SND1: variants seen among roughly 807,000 people sequenced by gnomAD.
The protein encoded by SND1 is staphylococcal nuclease and tudor domain containing 1, also known as staphylococcal nuclease domain-containing protein 1.
Under a neutral mutation model 121.7 loss-of-function variants are expected in SND1, and 38 were observed. The observed-to-expected ratio is 0.31, with a 90% CI of 0.24 to 0.41. SND1 has a LOEUF of 0.41. Among genes scored for constraint, SND1 ranks in the 10% least tolerant of loss-of-function variants. SND1 has a pLI of 1.00. For missense variants in SND1, 868 were observed against 1,184.6 expected (o/e 0.73, Z 3.92); for synonymous variants, 401 against 447.4 (o/e 0.90, Z 1.31).
chr7:127,687,290 A>G (rs1278729568), intron 2 of SND1: 1 of 152,014 alleles, frequency 6.6e-6, no homozygotes, highest in African/African-American at 2.4e-5. Flanking sequence ...TATAAATGCT[A>G]GGCCCATATT....
chr7:127,897,168 G>C (rs1418372281), intron 13 of SND1, among the ~76,000 whole-genome samples: 1 of 152,056 alleles, frequency 6.6e-6, no homozygotes, highest in East Asian at 1.9e-4. Flanking sequence ...CTCCAACTTT[G>C]GGCCCAGAAG....
intron 10 of SND1, among the ~76,000 whole-genome samples, chr7:127,801,163 C>T (rs1436051480): frequency 6.6e-6 from 1 of 152,180 alleles, no homozygotes; most frequent in Non-Finnish European, 1.5e-5. Context: ...CACCTTTAAC[C>T]AAACAGTGCC....
chr7:127,942,672 C>T (rs528686837), intron 15 of SND1, among the ~76,000 whole-genome samples: 2 of 152,162 alleles, frequency 1.3e-5, no homozygotes, highest in Non-Finnish European at 2.9e-5. Context: ...TAAAACATCA[C>T]ATGAAAAATA....
At chr7:127,860,586 T>C (rs1799358630) in intron 12 of SND1, among the ~76,000 whole-genome samples, 1 of 152,206 alleles carries the variant, frequency 6.6e-6, no homozygotes, top group South Asian at 2.1e-4. Context: ...GTGTAGTGAA[T>C]TTGGACCTGT....
At chr7:127,875,308 G>A (rs1007147822) in intron 12 of SND1, among the ~76,000 whole-genome samples, 1 of 152,132 alleles carries the variant, frequency 6.6e-6, no homozygotes, top group Admixed American at 6.6e-5. Context: ...TAGGGAATAT[G>A]ATCTAGTTGG....
chr7:128,035,966 C>T (rs896330268), intron 16 of SND1, among the ~76,000 whole-genome samples: 4 of 152,262 alleles, frequency 2.6e-5, no homozygotes, highest in Non-Finnish European at 5.9e-5. Flanking sequence ...AGCTGGGTAT[C>T]GTTTTGCCAC....
Position 127,863,073 on chromosome 7 carries a change from G to A in SND1, c.1343+18649G>A, listed in dbSNP as rs570655580. ...TCCCTCATTTTGCAAACAAGGCAGCGGAGTCCACGAGGAGTGACATAACTA... is the reference window on the plus strand; with the variant it reads ...TCCCTCATTTTGCAAACAAGGCAGCAGAGTCCACGAGGAGTGACATAACTA... On this transcript the variant is annotated intron_variant, in intron 12 of 23. Transcript: ENST00000354725. Among the ~76,000 whole-genome samples, 23 of 152,244 alleles carry A rather than the reference G, an allele frequency of 1.5e-4. No individual in the cohort carries two copies. The South Asian group carries it at 4.4e-3, about 29-fold the overall frequency.
Position 128,082,225 on chromosome 7 carries a change from C to A in SND1, c.2110+724C>A, listed in dbSNP as rs1047774043. ...CTGACCTCCCTTTTCTCATGGCCAC[C>A]CTGTGCAGGGAAACAGTTGAGTTTG... On this transcript the variant is annotated intron_variant, in intron 18 of 23. Transcript: ENST00000354725. Among the ~76,000 whole-genome samples, 5 of 152,324 alleles carry A rather than the reference C, an allele frequency of 3.3e-5. No individual in the cohort carries two copies. The South Asian group carries it at 1.0e-3, about 32-fold the overall frequency.
At chr7:127,893,772 C>G (rs1800060763) in intron 13 of SND1, among the ~76,000 whole-genome samples, 1 of 152,082 alleles carries the variant, frequency 6.6e-6, no homozygotes, top group South Asian at 2.1e-4. Flanking sequence ...TGTCATCCAT[C>G]TTTGAGAGGC....
At chr7:127,683,841 C>A (rs1795769453) in intron 1 of SND1, among the ~76,000 whole-genome samples, 1 of 152,154 alleles carries the variant, frequency 6.6e-6, no homozygotes, top group Non-Finnish European at 1.5e-5. Flanking sequence ...GAGTAAAAAT[C>A]ATCTCCGTAA....
intron 15 of SND1, among the ~76,000 whole-genome samples, chr7:127,989,553 C>T (rs1802473042): frequency 6.6e-6 from 1 of 152,120 alleles, no homozygotes; most frequent in African/African-American, 2.4e-5. Context: ...CAGGTGTTTG[C>T]CATCACCGAG....
chr7:127,704,703 C>G, intron 7 of SND1, 136 bp from the exon 8 acceptor site: 1 of 717,170 alleles, frequency 1.4e-6, no homozygotes, highest in South Asian at 1.7e-5. Context: ...AGAGAAGCTA[C>G]TCTACTGTAA....
chr7:127,773,377 G>A (rs1293996742), intron 10 of SND1, among the ~76,000 whole-genome samples: 7 of 152,004 alleles, frequency 4.6e-5, no homozygotes, highest in Non-Finnish European at 8.8e-5. Flanking sequence ...GCGTGAATCC[G>A]GGAGGCAGAG....
At chr7:127,935,554 A>G (rs1801043964) in intron 15 of SND1, among the ~76,000 whole-genome samples, 2 of 152,222 alleles carry the variant, frequency 1.3e-5, no homozygotes, top group South Asian at 2.1e-4. Context: ...TGAATGGAGC[A>G]GTGACCTAGA....
intron 15 of SND1, among the ~76,000 whole-genome samples, chr7:127,930,891 A>G (rs1420621849): frequency 6.6e-6 from 1 of 152,182 alleles, no homozygotes; most frequent in Non-Finnish European, 1.5e-5. Context: ...AACCTGTGTT[A>G]AGCAAGTATG....
chr7:127,769,595 G>A (rs1454952509), intron 10 of SND1, among the ~76,000 whole-genome samples: 2 of 151,912 alleles, frequency 1.3e-5, no homozygotes, highest in Admixed American at 1.3e-4. Context: ...GTCCAGATCT[G>A]TTTATTCCAT....
chr7:127,935,808 G>A (rs1801049307), intron 15 of SND1, among the ~76,000 whole-genome samples: 1 of 152,208 alleles, frequency 6.6e-6, no homozygotes, highest in South Asian at 2.1e-4. Flanking sequence ...CAGTAAGGAG[G>A]GGGTTTGGGT....
chr7:127,682,184 G>A lies in SND1; in HGVS notation c.79-4429G>A, dbSNP rs1795738338. On this transcript the variant is annotated intron_variant, in intron 1 of 23. Coordinates refer to ENST00000354725, the MANE Select transcript of SND1 (RefSeq NM_014390.4). The stretch of plus-strand genomic sequence containing the variant: ...GAATCTAGTGAAGATTTAATGTGGT[G>A]TTCCTGTTGCTGGGCAACATTTTAG... Among the ~76,000 whole-genome samples the A allele has an allele frequency of 3.3e-5, 5 of 152,188 alleles. No individual in the cohort carries two copies. The South Asian group carries it at 1.0e-3, about 31-fold the overall frequency.
At chr7:127,672,764 T>C (rs997601676) in intron 1 of SND1, among the ~76,000 whole-genome samples, 5 of 152,194 alleles carry the variant, frequency 3.3e-5, no homozygotes, top group Non-Finnish European at 7.3e-5. Context: ...CCTCAGTCTT[T>C]CCTTGATTTT....
Sources: allele counts gnomAD v4.1 joint callset (sites outside exome capture counted in the v4.1 genomes callset), GRCh38; gene constraint gnomAD v4.1.1; transcripts MANE v1.5; gene names NCBI Gene and HGNC (gene_info 2026-07-23, HGNC 2026-07-21).